The following ZMIZ2 variants were observed in gnomAD, a reference collection of about 807,000 sequenced individuals.
ZMIZ2 encodes the protein zinc finger MIZ domain-containing protein 2.
In ZMIZ2, 26 loss-of-function variants were observed where a neutral mutation model predicts 93.9. That is an observed-to-expected ratio of 0.28 (90% confidence interval 0.20 to 0.38). ZMIZ2 has a LOEUF of 0.38. Among genes scored for constraint, ZMIZ2 ranks in the 10% least tolerant of loss-of-function variants. ZMIZ2 has a pLI of 1.00. For synonymous variants in ZMIZ2, 485 were observed against 516.4 expected (o/e 0.94, Z 0.82); for missense variants, 1,023 against 1,235.0 (o/e 0.83, Z 2.57).
intron 3 of ZMIZ2, 69 bp downstream of exon 3, chr7:44,756,608 T>G: frequency 1.3e-6 from 2 of 1,505,360 alleles, no homozygotes; most frequent in Non-Finnish European, 1.8e-6. Context: ...GCTTAGTGCC[T>G]CCTCAGAGCT....
At position 44,761,261 on chromosome 7, in the gene ZMIZ2, G is replaced by A. The variant is rs1160470305; in HGVS notation, c.1241-188G>A. 6.6e-6 allele frequency among the ~76,000 whole-genome samples: 1 copy of A among 152,252 alleles called. No individual in the cohort carries two copies. Among genetic ancestry groups the A allele is most frequent in the South Asian group, 2.1e-4 (1 of 4,832 alleles). On this transcript the variant is annotated intron_variant, in intron 9 of 18. Coordinates refer to ENST00000309315, the MANE Select transcript of ZMIZ2 (RefSeq NM_031449.4). The surrounding 1 kb of genome is among the most constrained non-coding windows in gnomAD (Gnocchi z 5.8). ...TCACGACCGAATGCCCAGGCCTCAG[G>A]AGAGATGCTGCCCATGGCCCCAGCC...
Position 44,766,329 on chromosome 7 carries a change from G to T in ZMIZ2, c.2408G>T (p.Ser803Ile). The T allele has an allele frequency of 6.3e-7, 1 of 1,599,386 alleles. No homozygotes were observed. Among genetic ancestry groups the T allele is most frequent in the Non-Finnish European group, 8.5e-7 (1 of 1,172,758 alleles). ...TSEKSTACLPSQMAPAGHLDP... is the reference protein window; with the variant it reads ...TSEKSTACLPIQMAPAGHLDP... Reference sequence around the variant, plus strand: ...GAGAAGTCTACCGCCTGCCTCCCAAGCCAGGTCAGTGCCAAGCCGAGAGGC... The same window carrying T: ...GAGAAGTCTACCGCCTGCCTCCCAATCCAGGTCAGTGCCAAGCCGAGAGGC... The change falls in exon 17 of 19, where the codon AGC (serine) becomes ATC (isoleucine). Residue 803 changes from serine (S) to isoleucine (I), a missense_variant. Around this residue, in one of 3 missense-constraint regions of ZMIZ2, gnomAD observed 319 missense variants for 358.8 expected, o/e 0.89. Transcript: ENST00000309315. This position sits in a 1 kb window ranked among gnomAD's most constrained non-coding sequence, Gnocchi z 4.4.
chr7:44,764,594 G>C, intron 14 of ZMIZ2, 108 bp downstream of exon 14: 2 of 1,261,550 alleles, frequency 1.6e-6, no homozygotes, highest in Non-Finnish European at 2.3e-6. Flanking sequence ...GCTGGGAGGA[G>C]TCACTGCATG....
upstream of ZMIZ2, chr7:44,748,603 G>T (rs1041455770): frequency 6.6e-6 from 1 of 152,588 alleles, no homozygotes; most frequent in Non-Finnish European, 1.5e-5. Context: ...GAAGAGCGCA[G>T]TGGCTCTGCC....
Position 44,759,276 on chromosome 7 carries a change from T to C in ZMIZ2, c.814-5T>C. The C allele has an allele frequency of 6.7e-7, 1 of 1,502,484 alleles. No homozygotes were observed. Among genetic ancestry groups the C allele is most frequent in the Non-Finnish European group, 8.9e-7 (1 of 1,122,938 alleles). 93.1% of individuals were successfully genotyped at this position (1,502,484 alleles called of 1,614,324 possible). A position where few individuals can be genotyped will look rare whatever the true frequency, so the allele number is the denominator to read the frequency against. On this transcript the variant is annotated splice_polypyrimidine_tract_variant and splice_region_variant and intron_variant, in intron 6 of 18. Coordinates refer to ENST00000309315, the MANE Select transcript of ZMIZ2 (RefSeq NM_031449.4). ...CTCCCCTCGGGCATTTTGCCTCTTT[T>C]TCAGGTGTATCCAGGGCAGCAGTAT...
In ZMIZ2 at chr7:44,759,325, C is replaced by T. The variant is rs1162967602; in HGVS notation, c.858C>T (p.Pro286=). ...QQYLQGGQYA[P]STAQFAPSPG... ...ATCTGCAAGGAGGCCAGTATGCACC[C>T]AGCACCGCCCAGTTTGCGCCCAGCC... The change falls in exon 7 of 19, where the codon CCC becomes CCT. Residue 286 remains proline (P), a synonymous_variant. Transcript: ENST00000309315. 1.9e-6 allele frequency: 3 copies of T among 1,599,972 alleles called. No homozygotes were observed. Among genetic ancestry groups the T allele is most frequent in the South Asian group, 1.1e-5 (1 of 89,240 alleles).
At chr7:44,759,563 A>AG (rs1790955240) in intron 7 of ZMIZ2, 103 bp downstream of exon 7, 1 of 909,778 alleles carries the variant, frequency 1.1e-6, no homozygotes, top group Non-Finnish European at 1.4e-6. Flanking sequence ...GGGTGGCTAA[A>AG]GGGGCCAGCA....
intron 6 of ZMIZ2, among the ~76,000 whole-genome samples, 178 bp from the exon 7 acceptor site, chr7:44,759,103 A>AAC (rs1175646511): frequency 2.0e-5 from 3 of 150,742 alleles, no homozygotes; most frequent in Non-Finnish European, 4.4e-5. Context: ...AAAAAAAAAA[A>AAC]AAAACAGGCT....
Position 44,766,716 on chromosome 7 carries a change from G to C in ZMIZ2, c.2655+53G>C, listed in dbSNP as rs1791748071. On this transcript the variant is annotated intron_variant, in intron 18 of 18. Coordinates refer to ENST00000309315, the MANE Select transcript of ZMIZ2 (RefSeq NM_031449.4). This position sits in a 1 kb window ranked among gnomAD's most constrained non-coding sequence, Gnocchi z 4.4. ...TGCGTGGGAGCCAGGGCTAGAGGTG[G>C]TGTGTCTGTTCCAGGTGCGTTCTGG... 1.3e-6 allele frequency: 2 copies of C among 1,599,824 alleles called. No individual in the cohort carries two copies. Among genetic ancestry groups the C allele is most frequent in the Non-Finnish European group, 1.7e-6 (2 of 1,171,094 alleles).
chr7:44,766,639 G>C lies in ZMIZ2; in HGVS notation c.2631G>C (p.Gly877=). Residue 877 remains glycine (G), a synonymous_variant, in exon 18 of 19, where the codon GGG becomes GGC. Coordinates refer to ENST00000309315, the MANE Select transcript of ZMIZ2 (RefSeq NM_031449.4). The surrounding 1 kb of genome is among the most constrained non-coding windows in gnomAD (Gnocchi z 4.4). ...VMGPPSMSGA[G]EAPEPALDLL... ...GGCCCCCCAGCATGTCTGGAGCCGGGGAGGCCCCAGAACCAGCTCTGGACG... is the reference window on the plus strand; with the variant it reads ...GGCCCCCCAGCATGTCTGGAGCCGGCGAGGCCCCAGAACCAGCTCTGGACG... 6.2e-7 allele frequency: 1 copy of C among 1,613,156 alleles called. No homozygotes were observed. Among genetic ancestry groups the C allele is most frequent in the East Asian group, 2.2e-5 (1 of 44,882 alleles).
At chr7:44,752,833 A>G (rs1196615654) in intron 1 of ZMIZ2, among the ~76,000 whole-genome samples, 2 of 152,236 alleles carry the variant, frequency 1.3e-5, no homozygotes, top group East Asian at 1.9e-4. Context: ...ACAGGTTTTT[A>G]TGTGAACATA....
chr7:44,760,726 G>A lies in ZMIZ2; in HGVS notation c.1240+133G>A, dbSNP rs1178121437. On this transcript the variant is annotated intron_variant, in intron 9 of 18. Transcript: ENST00000309315. ...TGCCATATCCCTAAGAAAAGGGCTG[G>A]GTGTGGTGGCTCACACTTGTAATCC... 348 of 1,178,512 alleles carry A rather than the reference G, an allele frequency of 3.0e-4. 8 individuals are homozygous for A. The South Asian group carries it at 5.0e-3, about 17-fold the overall frequency. The allele number at this position is 1,178,512 out of a possible 1,614,324, so 73.0% of individuals were successfully genotyped here.
At chr7:44,754,293 G>C (rs1416837988) in intron 1 of ZMIZ2, among the ~76,000 whole-genome samples, 4 of 152,174 alleles carry the variant, frequency 2.6e-5, no homozygotes, top group Non-Finnish European at 5.9e-5. Context: ...GGAGCCTTCT[G>C]GAGCCATCAG....
At chr7:44,759,696 C>T (rs1790972636) in intron 7 of ZMIZ2, 4 of 454,110 alleles carry the variant, frequency 8.8e-6, no homozygotes, top group East Asian at 3.6e-5. Context: ...TCCGAAAGGA[C>T]CCTCTACAAG....
At chr7:44,749,345 C>T (rs534436330) in intron 1 of ZMIZ2, among the ~76,000 whole-genome samples, 2 of 152,234 alleles carry the variant, frequency 1.3e-5, no homozygotes, top group African/African-American at 4.8e-5. Flanking sequence ...GAAGGCTGGC[C>T]GGGCCTTCGC....
Position 44,765,847 on chromosome 7 carries a change from C to A in ZMIZ2, c.2242+268C>A. On this transcript the variant is annotated intron_variant, in intron 16 of 18. Coordinates refer to ENST00000309315, the MANE Select transcript of ZMIZ2 (RefSeq NM_031449.4). This position sits in a 1 kb window ranked among gnomAD's most constrained non-coding sequence, Gnocchi z 4.1. ...CCCGTTTGGATTAAGGGGCTCCTGG[C>A]TGGAACACCTCACAGGACTGGCCCC... is the stretch of plus-strand genomic sequence containing the variant. 8.7e-7 allele frequency: 1 copy of A among 1,152,666 alleles called. No individual in the cohort carries two copies. The allele number at this position is 1,152,666 out of a possible 1,614,324, so 71.4% of individuals were successfully genotyped here. A position where few individuals can be genotyped will look rare whatever the true frequency, so the allele number is the denominator to read the frequency against.
chr7:44,764,299 G>A (rs1400868514), intron 13 of ZMIZ2, 120 bp from the exon 14 acceptor site: 2 of 884,982 alleles, frequency 2.3e-6, no homozygotes, highest in South Asian at 3.3e-5. Flanking sequence ...CCTGGTACAT[G>A]CAGTATCTCA....
chr7:44,764,373 G>A (rs193099104), intron 13 of ZMIZ2, 46 bp from the exon 14 acceptor site: 1 of 1,596,228 alleles, frequency 6.3e-7, no homozygotes, highest in South Asian at 1.1e-5. Flanking sequence ...GATTTTCCCT[G>A]TGCTACCCAC....
chr7:44,761,893 C>A lies in ZMIZ2; in HGVS notation c.1584C>A (p.Thr528=), dbSNP rs776381211. The A allele has an allele frequency of 1.3e-5, 21 of 1,613,012 alleles. No individual in the cohort carries two copies. Among genetic ancestry groups the A allele is most frequent in the Non-Finnish European group, 1.8e-5 (21 of 1,179,946 alleles). ...GCAACACCATCCAGATCACCGTCAC[C>A]GCCTGCTGCTGCGTGCGTGTCCTGC... ...PGRNTIQITV[T]ACCCSHLFVL... is the part of the protein sequence containing the mutation. The change falls in exon 11 of 19, where the codon ACC becomes ACA. Residue 528 remains threonine (T), a synonymous_variant. Coordinates refer to ENST00000309315, the MANE Select transcript of ZMIZ2 (RefSeq NM_031449.4). This position sits in a 1 kb window ranked among gnomAD's most constrained non-coding sequence, Gnocchi z 5.8.
Sources: gnomAD v4.1 joint callset for allele counts (sites outside exome capture counted in the v4.1 genomes callset) on GRCh38, gnomAD v4.1.1 for gene constraint, gnomAD v4.1.1 regional missense constraint, Gnocchi (gnomAD v3.1) non-coding constraint, MANE v1.5 for transcripts, NCBI Gene and HGNC (gene_info 2026-07-23, HGNC 2026-07-21) for gene names.